FMNL2: variants seen among roughly 807,000 people sequenced by gnomAD.
The protein encoded by FMNL2 is formin-like protein 2.
FMNL2 carries 51 observed loss-of-function variants against 130.2 expected under a neutral mutation model. The ratio of observed to expected loss-of-function variants is 0.39; its 90% CI spans 0.31 to 0.49. The LOEUF (loss-of-function observed/expected upper bound fraction) is 0.49. FMNL2 is among the 20% of genes least tolerant of loss of function. The pLI is 0.85. For missense variants in FMNL2, 977 were observed against 1,316.2 expected, an observed-to-expected ratio of 0.74 and a Z score of 3.99; for synonymous variants, 465 against 467.1, an observed-to-expected ratio of 1.00 and a Z score of 0.06.
chr2:152,447,670 C>T (rs541864287), intron 1 of FMNL2, among the ~76,000 whole-genome samples: 25 of 152,230 alleles, frequency 1.6e-4, no homozygotes, highest in East Asian at 5.8e-4. Flanking sequence ...ACCTTCACCC[C>T]CTAGTGCAAT....
chr2:152,552,569 T>C (rs1398963089), intron 4 of FMNL2, among the ~76,000 whole-genome samples: 1 of 152,032 alleles, frequency 6.6e-6, no homozygotes, highest in Non-Finnish European at 1.5e-5. Context: ...CCTAAAACTC[T>C]ATAAATGGAA....
chr2:152,414,656 T>TCTGGAGAGTTCGAGGCCATTTTAG (rs1686503866), intron 1 of FMNL2, among the ~76,000 whole-genome samples: 1 of 152,170 alleles, frequency 6.6e-6, no homozygotes, highest in Non-Finnish European at 1.5e-5. Flanking sequence ...GGCCCTGGCA[T>TCTGGAGAGTTCGAGGCCATTTTAG]CTGGAGAGTT....
chr2:152,500,268 C>T (rs78821581), intron 1 of FMNL2, among the ~76,000 whole-genome samples: 1 of 151,902 alleles, frequency 6.6e-6, no homozygotes, highest in Non-Finnish European at 1.5e-5. Flanking sequence ...CTGAAATACA[C>T]TTAGATTAAG....
chr2:152,374,203 A>G (rs1684040410), intron 1 of FMNL2, among the ~76,000 whole-genome samples: 1 of 152,194 alleles, frequency 6.6e-6, no homozygotes, highest in Admixed American at 6.5e-5. Flanking sequence ...AGAGGCTGCA[A>G]AGGGGAATCC....
At position 152,619,114 on chromosome 2, in the gene FMNL2, C is replaced by A. The variant is rs368735292; in HGVS notation, c.1583C>A (p.Pro528His). The A allele has an allele frequency of 2.5e-6, 4 of 1,599,974 alleles. No individual in the cohort carries two copies. The Admixed American group carries it at 5.2e-5, about 21-fold the overall frequency. Reference sequence around the variant, plus strand: ...GCCGCTTCCTCAGGACCCTTGCCCCCTCCTCCACCACCACTGCCTCCCTCA... The same window carrying A: ...GCCGCTTCCTCAGGACCCTTGCCCCATCCTCCACCACCACTGCCTCCCTCA... ...MGAASSGPLP[P>H]PPPPLPPSSD... The change falls in exon 14 of 26, where the codon CCT (proline) becomes CAT (histidine). Residue 528 changes from proline (P) to histidine (H), a missense_variant. By Grantham distance (77) the Pro-to-His change is moderately conservative. Transcript: ENST00000288670.
chr2:152,542,686 A>ACT, intron 2 of FMNL2, 53 bp from the exon 3 acceptor site: 1 of 1,575,172 alleles, frequency 6.3e-7, no homozygotes, highest in South Asian at 1.1e-5. Flanking sequence ...GATGTGGCTG[A>ACT]CTGTGTCATG....
chr2:152,647,356 T>C (rs930758177), intron 25 of FMNL2, among the ~76,000 whole-genome samples: 3 of 152,150 alleles, frequency 2.0e-5, no homozygotes, highest in East Asian at 1.9e-4. Context: ...CTTTAGGTTC[T>C]TGTTAAAACT....
At chr2:152,344,334 C>T (rs1463759348) in intron 1 of FMNL2, among the ~76,000 whole-genome samples, 3 of 151,930 alleles carry the variant, frequency 2.0e-5, no homozygotes, top group African/African-American at 7.3e-5. Flanking sequence ...TTTCTTCCTA[C>T]CCCAAAGACC....
At chr2:152,633,873 GTTCT>G (rs776109509) in intron 21 of FMNL2, among the ~76,000 whole-genome samples, 10 of 152,234 alleles carry the variant, frequency 6.6e-5, no homozygotes, top group Non-Finnish European at 8.8e-5. Flanking sequence ...TGGCAGAACT[GTTCT>G]TTCTGTTTGC....
chr2:152,558,734 C>CA lies in FMNL2; in HGVS notation c.360-4dup. The CA allele has an allele frequency of 6.2e-7, 1 of 1,603,634 alleles. No individual in the cohort carries two copies. The stretch of plus-strand genomic sequence containing the variant: ...CCAATGATTTTTTTTTTTTTTTCCC[C>CA]AACAGATGGGTCAGAGAATTTCTGA... On this transcript the variant is annotated splice_region_variant and splice_polypyrimidine_tract_variant and intron_variant, in intron 4 of 25. Transcript: ENST00000288670.
At chr2:152,362,103 C>T (rs1410481913) in intron 1 of FMNL2, among the ~76,000 whole-genome samples, 1 of 152,186 alleles carries the variant, frequency 6.6e-6, no homozygotes, top group Non-Finnish European at 1.5e-5. Flanking sequence ...TAGCTACATG[C>T]ATCCACATCA....
chr2:152,504,725 A>G (rs1301071504), intron 1 of FMNL2, among the ~76,000 whole-genome samples: 2 of 152,144 alleles, frequency 1.3e-5, no homozygotes, highest in Non-Finnish European at 2.9e-5. Flanking sequence ...CTAAGAAATT[A>G]TGTACATACG....
At chr2:152,464,573 T>A (rs1423883767) in intron 1 of FMNL2, among the ~76,000 whole-genome samples, 2 of 152,222 alleles carry the variant, frequency 1.3e-5, no homozygotes, top group Admixed American at 1.3e-4. Context: ...TGTCTGTTGA[T>A]GAGCTTTTGT....
intron 6 of FMNL2, 56 bp downstream of exon 6, chr2:152,561,091 CCTA>C (rs1558965113): frequency 6.0e-6 from 9 of 1,503,742 alleles, no homozygotes; most frequent in African/African-American, 1.4e-5. Flanking sequence ...ACAGCAGGCT[CCTA>C]CTTCTTTTGA....
At chr2:152,365,722 G>A (rs1683485358) in intron 1 of FMNL2, among the ~76,000 whole-genome samples, 2 of 152,100 alleles carry the variant, frequency 1.3e-5, no homozygotes, top group East Asian at 1.9e-4. Context: ...GCAGTGAGCC[G>A]AGATCACGCC....
At chr2:152,462,894 T>C (rs1385114721) in intron 1 of FMNL2, among the ~76,000 whole-genome samples, 1 of 152,212 alleles carries the variant, frequency 6.6e-6, no homozygotes, top group African/African-American at 2.4e-5. Flanking sequence ...TCTCTCTTCA[T>C]AATAGAGCCC....
At chr2:152,634,924 TTC>T (rs1283037356) in intron 21 of FMNL2, among the ~76,000 whole-genome samples, 8 of 150,022 alleles carry the variant, frequency 5.3e-5, no homozygotes, top group Non-Finnish European at 5.9e-5. Context: ...TGACCATGAC[TTC>T]TTTTTTTTTT....
chr2:152,416,835 A>G (rs1686643685), intron 1 of FMNL2, among the ~76,000 whole-genome samples: 1 of 152,230 alleles, frequency 6.6e-6, no homozygotes, highest in Non-Finnish European at 1.5e-5. Flanking sequence ...TAAAAATACA[A>G]CAACATAACA....
At chr2:152,481,755 ATCT>A (rs1371933066) in intron 1 of FMNL2, among the ~76,000 whole-genome samples, 2 of 152,212 alleles carry the variant, frequency 1.3e-5, no homozygotes, top group Non-Finnish European at 2.9e-5. Flanking sequence ...ATAATGTCAG[ATCT>A]TCTAGGAAAT....
Sources: gnomAD v4.1 joint callset for allele counts (sites outside exome capture counted in the v4.1 genomes callset) on GRCh38, gnomAD v4.1.1 for gene constraint, MANE v1.5 for transcripts, NCBI Gene and HGNC (gene_info 2026-07-23, HGNC 2026-07-21) for gene names.